The following RIGI variants were observed in gnomAD, a reference collection of about 807,000 sequenced individuals.
RIGI encodes the protein RNA sensor RIG-I, also known as antiviral innate immune response receptor RIG-I.
the RIGI span, chr9:32,459,607 C>G: frequency 8.6e-7 from 1 of 1,164,144 alleles, no homozygotes; most frequent in Non-Finnish European, 1.2e-6. Flanking sequence ...TACATGCACG[C>G]ACATGTATAA....
the RIGI span, chr9:32,481,343 C>T: frequency 1.2e-6 from 2 of 1,609,752 alleles, no homozygotes; most frequent in Admixed American, 3.4e-5. Flanking sequence ...AACGTACCCG[C>T]AAATGTGAAG....
chr9:32,455,957 G>GT, the RIGI span: 2 of 152,224 alleles, frequency 1.3e-5, no homozygotes, highest in South Asian at 4.1e-4. Flanking sequence ...GGAGGCAGCT[G>GT]TAACACCTCA....
At chr9:32,507,224 A>T in the RIGI span, among the ~76,000 whole-genome samples, 1 of 152,214 alleles carries the variant, frequency 6.6e-6, no homozygotes, top group African/African-American at 2.4e-5. Flanking sequence ...CAGAGCCTAC[A>T]AATTTGAAAA....
At chr9:32,487,751 T>C in the RIGI span, 2 of 1,290,410 alleles carry the variant, frequency 1.5e-6, no homozygotes, top group Non-Finnish European at 1.1e-6. Flanking sequence ...TAACACACAG[T>C]GTATGGCACA....
the RIGI span, among the ~76,000 whole-genome samples, chr9:32,505,577 T>C: frequency 6.6e-6 from 1 of 152,216 alleles, no homozygotes; most frequent in South Asian, 2.1e-4. Flanking sequence ...TTTTGTTAAA[T>C]GTATGACTAT....
chr9:32,459,103 G>A, the RIGI span, among the ~76,000 whole-genome samples: 1 of 143,410 alleles, frequency 7.0e-6, no homozygotes, highest in Non-Finnish European at 1.6e-5. Context: ...TGGCCGGGCT[G>A]GTCTCGAACT....
the RIGI span, chr9:32,487,806 G>A: frequency 7.8e-7 from 1 of 1,289,394 alleles, no homozygotes; most frequent in Non-Finnish European, 1.1e-6. Flanking sequence ...AATGAATAAA[G>A]GAAACAAAAT....
chr9:32,456,470 T>C, the RIGI span: 1 of 152,148 alleles, frequency 6.6e-6, no homozygotes, highest in Non-Finnish European at 1.5e-5. Flanking sequence ...CCATTACATA[T>C]ACATACCTGT....
chr9:32,497,287 C>T, the RIGI span, among the ~76,000 whole-genome samples: 1 of 151,936 alleles, frequency 6.6e-6, no homozygotes, highest in Non-Finnish European at 1.5e-5. Flanking sequence ...GTATTTTAAT[C>T]TTTTTAATGC....
chr9:32,477,733 T>A, the RIGI span, among the ~76,000 whole-genome samples: 2 of 152,180 alleles, frequency 1.3e-5, no homozygotes, highest in East Asian at 3.9e-4. Context: ...AAGACCAGAC[T>A]GGTCAACATG....
the RIGI span, among the ~76,000 whole-genome samples, chr9:32,463,014 A>G: frequency 6.6e-6 from 1 of 152,112 alleles, no homozygotes; most frequent in Non-Finnish European, 1.5e-5. Context: ...AAAATTAGTG[A>G]TGCGTGGTGG....
chr9:32,467,966 C>T, the RIGI span: 1 of 1,512,008 alleles, frequency 6.6e-7, no homozygotes, highest in Non-Finnish European at 8.9e-7. Context: ...ATACAACTCA[C>T]CAAAGAGGGA....
the RIGI span, chr9:32,500,905 G>T: frequency 6.2e-7 from 1 of 1,614,104 alleles, no homozygotes; most frequent in Non-Finnish European, 8.5e-7. Flanking sequence ...TTGGGCCCTT[G>T]TTGTTTTTCT....
chr9:32,491,375 G>A, the RIGI span: 1 of 1,612,722 alleles, frequency 6.2e-7, no homozygotes, highest in Non-Finnish European at 8.5e-7. Flanking sequence ...TATGTCAGAA[G>A]TTTCCATCTT....
chr9:32,497,624 G>A, the RIGI span, among the ~76,000 whole-genome samples: 1 of 152,210 alleles, frequency 6.6e-6, no homozygotes, highest in Admixed American at 6.5e-5. Flanking sequence ...GCGAGCACCT[G>A]TAGTCCCAGC....
the RIGI span, chr9:32,477,186 C>T: frequency 6.3e-7 from 1 of 1,592,768 alleles, no homozygotes; most frequent in Non-Finnish European, 8.5e-7. Context: ...ATTTAGAACA[C>T]ACTGTGACCT....
At chr9:32,481,324 A>G in the RIGI span, 4 of 1,608,080 alleles carry the variant, frequency 2.5e-6, no homozygotes, top group Non-Finnish European at 3.4e-6. Flanking sequence ...TACGACTCTT[A>G]AAAAGAGGAA....
chr9:32,465,575 T>C, the RIGI span, among the ~76,000 whole-genome samples: 1 of 152,180 alleles, frequency 6.6e-6, no homozygotes, highest in East Asian at 1.9e-4. Flanking sequence ...TAAATACTAT[T>C]ATTTTCCCCA....
the RIGI span, among the ~76,000 whole-genome samples, chr9:32,480,634 C>T: frequency 6.6e-6 from 1 of 152,130 alleles, no homozygotes; most frequent in African/African-American, 2.4e-5. Context: ...ACGAAAAACA[C>T]ATATCAAAAT....
Sources: allele counts gnomAD v4.1 joint callset (sites outside exome capture counted in the v4.1 genomes callset), GRCh38; gene constraint gnomAD v4.1.1; transcripts MANE v1.5; gene names NCBI Gene and HGNC (gene_info 2026-07-23, HGNC 2026-07-21).